FSTL5: variants seen among roughly 807,000 people sequenced by gnomAD.
FSTL5 encodes follistatin like 5, also known as follistatin-related protein 5.
In FSTL5, 62 loss-of-function variants were observed where a neutral mutation model predicts 89.1. The observed-to-expected ratio is 0.70, with a 90% CI of 0.57 to 0.86. The LOEUF is 0.86. Among genes scored for constraint, FSTL5 ranks in the 40% least tolerant of loss-of-function variants. The pLI, the probability that FSTL5 is intolerant of heterozygous loss-of-function variation, is 0.00. For missense variants in FSTL5, 1,057 were observed against 1,001.6 expected (o/e 1.06, Z -0.75); for synonymous variants, 383 against 346.2 (o/e 1.11, Z -1.18).
chr4:161,786,845 T>A (rs1244035114), intron 4 of FSTL5, among the ~76,000 whole-genome samples: 2 of 152,172 alleles, frequency 1.3e-5, no homozygotes, highest in African/African-American at 2.4e-5. Context: ...TATCTGCCAA[T>A]GTCCATCACT....
intron 3 of FSTL5, among the ~76,000 whole-genome samples, chr4:161,934,675 T>G (rs750686989): frequency 6.6e-6 from 1 of 152,048 alleles, no homozygotes; most frequent in African/African-American, 2.4e-5. Context: ...GAGATATTAA[T>G]AGAACTGATT....
In FSTL5 at chr4:161,821,282, C is replaced by A. The variant is rs76400311; in HGVS notation, c.410-45208G>T. ...TGAATTCCTGGGATCAAGCAATCTG[C>A]CTGTCTCAACCTCCCAAATTGCCAC... is the stretch of plus-strand genomic sequence containing the variant. On this transcript the variant is annotated intron_variant, in intron 4 of 15. Coordinates refer to ENST00000306100, the MANE Select transcript of FSTL5 (RefSeq NM_020116.5). Among the ~76,000 whole-genome samples, 865 of 152,178 alleles carry A rather than the reference C, an allele frequency of 5.7e-3. 7 individuals carry two copies. Among genetic ancestry groups the A allele is most frequent in the African/African-American group, 0.02 (839 of 41,540 alleles).
intron 2 of FSTL5, among the ~76,000 whole-genome samples, chr4:162,087,355 C>G (rs1730361384): frequency 6.6e-6 from 1 of 151,964 alleles, no homozygotes; most frequent in African/African-American, 2.4e-5. Flanking sequence ...CTGTAAAGCA[C>G]AGAAAACTTA....
chr4:161,895,908 A>AG (rs1579175507), intron 4 of FSTL5, among the ~76,000 whole-genome samples: 1 of 152,122 alleles, frequency 6.6e-6, no homozygotes, highest in African/African-American at 2.4e-5. Context: ...ACAAAAATAT[A>AG]GGGGGGCATA....
chr4:161,586,828 C>T (rs1468244990), intron 8 of FSTL5, among the ~76,000 whole-genome samples: 1 of 152,122 alleles, frequency 6.6e-6, no homozygotes, highest in Non-Finnish European at 1.5e-5. Context: ...TACAGAAAGC[C>T]ATGTAAGTTT....
rs1732630743 is a variant in FSTL5 at position 161,562,227 on chromosome 4, C to T, written c.1016-19534G>A. The stretch of plus-strand genomic sequence containing the variant: ...TGTCAGTATCACACCACTATCATTA[C>T]TGTCACTTTGTAGGAAGTTTTGAAA... On this transcript the variant is annotated intron_variant, in intron 8 of 15. Coordinates refer to ENST00000306100, the MANE Select transcript of FSTL5 (RefSeq NM_020116.5). 3.9e-5 allele frequency among the ~76,000 whole-genome samples: 6 copies of T among 151,920 alleles called. No homozygotes were observed. In the South Asian group the frequency reaches 1.2e-3, roughly 32 times the overall value.
intron 3 of FSTL5, among the ~76,000 whole-genome samples, chr4:161,962,775 CTA>C: frequency 6.6e-6 from 1 of 151,960 alleles, no homozygotes; most frequent in East Asian, 1.9e-4. Context: ...CTTTAAGCCA[CTA>C]TATAATTACT....
chr4:161,548,830 C>T (rs186672972), intron 8 of FSTL5, among the ~76,000 whole-genome samples: 90 of 151,848 alleles, frequency 5.9e-4, no homozygotes, highest in Admixed American at 2.7e-3. Flanking sequence ...AATGATTGTG[C>T]TATGTAAATT....
chr4:161,998,371 C>G (rs924867274), intron 3 of FSTL5, among the ~76,000 whole-genome samples: 2 of 152,132 alleles, frequency 1.3e-5, no homozygotes, highest in Non-Finnish European at 2.9e-5. Flanking sequence ...ACCCCTATCT[C>G]TCAGTCTCTG....
intron 7 of FSTL5, among the ~76,000 whole-genome samples, chr4:161,642,983 A>G (rs1332269265): frequency 2.6e-5 from 4 of 152,220 alleles, no homozygotes; most frequent in Non-Finnish European, 5.9e-5. Flanking sequence ...CAATTTAAAA[A>G]TTAGAAAAAA....
chr4:161,496,078 G>T (rs1730059679), intron 12 of FSTL5, among the ~76,000 whole-genome samples: 2 of 152,092 alleles, frequency 1.3e-5, no homozygotes, highest in African/African-American at 4.8e-5. Flanking sequence ...GCAAATTAAG[G>T]AGAAATACTA....
intron 3 of FSTL5, among the ~76,000 whole-genome samples, chr4:161,943,886 A>C (rs1253537234): frequency 6.6e-6 from 1 of 151,902 alleles, no homozygotes; most frequent in Non-Finnish European, 1.5e-5. Flanking sequence ...TGCTCTGTAA[A>C]TATATTATTT....
chr4:161,421,488 T>G (rs1731990624), intron 15 of FSTL5, among the ~76,000 whole-genome samples: 1 of 152,224 alleles, frequency 6.6e-6, no homozygotes, highest in Non-Finnish European at 1.5e-5. Context: ...ACTTTGTTAT[T>G]GCCTTCATTT....
intron 1 of FSTL5, among the ~76,000 whole-genome samples, chr4:162,152,863 T>C (rs1371757441): frequency 1.4e-5 from 2 of 139,796 alleles, no homozygotes; most frequent in Non-Finnish European, 3.2e-5. Flanking sequence ...TGTTTAAAAC[T>C]GGAAAGAAAA....
intron 6 of FSTL5, among the ~76,000 whole-genome samples, chr4:161,677,189 T>C (rs1321847819): frequency 1.3e-5 from 2 of 152,026 alleles, no homozygotes; most frequent in Non-Finnish European, 1.5e-5. Context: ...GAATTTTTTT[T>C]TTGAGAAATG....
intron 8 of FSTL5, among the ~76,000 whole-genome samples, chr4:161,557,620 A>T (rs72687531): frequency 0.075 from 11,363 of 151,752 alleles, 540 homozygotes; most frequent in Middle Eastern, 0.17. Context: ...TTAAAGCACC[A>T]GTATGTAAGT....
At chr4:161,633,869 T>C (rs981263096) in intron 7 of FSTL5, among the ~76,000 whole-genome samples, 4 of 152,176 alleles carry the variant, frequency 2.6e-5, no homozygotes, top group African/African-American at 9.7e-5. Flanking sequence ...AAAGTCTTTT[T>C]GAGGAGCAGA....
intron 7 of FSTL5, among the ~76,000 whole-genome samples, chr4:161,633,291 TTTA>T (rs60503667): frequency 0.094 from 13,281 of 140,642 alleles, 775 homozygotes; most frequent in Non-Finnish European, 0.14. Context: ...ACTAATTCTT[TTTA>T]TTATTATTAT....
intron 7 of FSTL5, among the ~76,000 whole-genome samples, chr4:161,592,112 T>A (rs1448775801): frequency 1.3e-5 from 2 of 152,114 alleles, no homozygotes; most frequent in Non-Finnish European, 2.9e-5. Flanking sequence ...GGAAGTGTTT[T>A]GAGAGTGCAT....
Sources: gnomAD v4.1 joint callset for allele counts (sites outside exome capture counted in the v4.1 genomes callset) on GRCh38, gnomAD v4.1.1 for gene constraint, MANE v1.5 for transcripts, NCBI Gene and HGNC (gene_info 2026-07-23, HGNC 2026-07-21) for gene names.